Variants in TSNARE1 observed in about 807,000 individuals in gnomAD.
TSNARE1 encodes the protein t-SNARE domain-containing protein 1.
Under a neutral mutation model 62.0 loss-of-function variants are expected in TSNARE1, and 49 were observed. The observed-to-expected ratio is 0.79, with a 90% CI of 0.63 to 1.00. The LOEUF (loss-of-function observed/expected upper bound fraction) is 1.00. TSNARE1 is among the 50% of genes least tolerant of loss of function. The pLI is 0.00. For synonymous variants in TSNARE1, 328 were observed against 294.4 expected (o/e 1.11, Z -1.17); for missense variants, 755 against 700.1 (o/e 1.08, Z -0.88).
At chr8:142,321,266 C>T (rs1262637593) in intron 6 of TSNARE1, among the ~76,000 whole-genome samples, 1 of 152,168 alleles carries the variant, frequency 6.6e-6, no homozygotes, top group Non-Finnish European at 1.5e-5. Flanking sequence ...TGGTACCAGG[C>T]AGTACCTCCT....
chr8:142,325,149 G>A (rs1466865687), intron 6 of TSNARE1, among the ~76,000 whole-genome samples: 1 of 152,224 alleles, frequency 6.6e-6, no homozygotes, highest in Non-Finnish European at 1.5e-5. Flanking sequence ...GGCAAGGCCT[G>A]GACTGAGCGG....
intron 6 of TSNARE1, among the ~76,000 whole-genome samples, chr8:142,320,785 A>C (rs1403942748): frequency 6.6e-6 from 1 of 152,252 alleles, no homozygotes; most frequent in African/African-American, 2.4e-5. Context: ...TGGGAGGGTC[A>C]GGCAGGTCAC....
chr8:142,256,256 TCAC>T (rs1818542907), intron 12 of TSNARE1, among the ~76,000 whole-genome samples: 2 of 58,464 alleles, frequency 3.4e-5, no homozygotes, highest in Non-Finnish European at 7.1e-5. Flanking sequence ...ATCACCATCA[TCAC>T]CATCACCATC....
At chr8:142,284,218 T>G (rs1028317186) in intron 11 of TSNARE1, among the ~76,000 whole-genome samples, 195 bp downstream of exon 11, 10 of 152,096 alleles carry the variant, frequency 6.6e-5, no homozygotes, top group Admixed American at 6.5e-4. Flanking sequence ...CAGGGACTAG[T>G]GGCAACGAGC....
intron 6 of TSNARE1, among the ~76,000 whole-genome samples, chr8:142,324,112 A>T (rs1027710754): frequency 1.3e-5 from 2 of 152,238 alleles, no homozygotes; most frequent in Admixed American, 1.3e-4. Flanking sequence ...AATGCCCGGA[A>T]CCATAAGACC....
At chr8:142,223,562 AC>A (rs1716061090) in intron 13 of TSNARE1, among the ~76,000 whole-genome samples, 2 of 43,380 alleles carry the variant, frequency 4.6e-5, no homozygotes, top group African/African-American at 7.6e-5. Context: ...TCACTCACTC[AC>A]TCATTCACTA....
intron 9 of TSNARE1, among the ~76,000 whole-genome samples, chr8:142,311,801 T>G (rs2131560209): frequency 6.6e-6 from 1 of 152,352 alleles, no homozygotes; most frequent in East Asian, 1.9e-4. Context: ...ATATAAGTTT[T>G]CTTATACCCA....
intron 12 of TSNARE1, among the ~76,000 whole-genome samples, chr8:142,240,768 A>G (rs1262159293): frequency 6.6e-6 from 1 of 152,246 alleles, no homozygotes; most frequent in Non-Finnish European, 1.5e-5. Context: ...ATGATAATAG[A>G]CATATACAGT....
chr8:142,278,478 G>A (rs1563811303), intron 11 of TSNARE1: 2 of 985,476 alleles, frequency 2.0e-6, no homozygotes, highest in East Asian at 1.1e-4. Flanking sequence ...GAAGGGGAGG[G>A]TCCAGCGGGG....
chr8:142,263,391 C>T (rs945572454), intron 12 of TSNARE1, among the ~76,000 whole-genome samples: 1 of 152,194 alleles, frequency 6.6e-6, no homozygotes. Flanking sequence ...TCCAACCTGG[C>T]GAGGATGCCG....
intron 1 of TSNARE1, among the ~76,000 whole-genome samples, chr8:142,379,739 G>A (rs917630534): frequency 6.6e-6 from 1 of 152,132 alleles, no homozygotes. Flanking sequence ...CCAGCTCAGG[G>A]CTCCAGCTTT....
chr8:142,331,404 C>T (rs999783615), intron 5 of TSNARE1, among the ~76,000 whole-genome samples: 1 of 152,240 alleles, frequency 6.6e-6, no homozygotes, highest in Non-Finnish European at 1.5e-5. Context: ...TGGGCTCCAT[C>T]CAGATCACAC....
intron 12 of TSNARE1, among the ~76,000 whole-genome samples, chr8:142,255,839 C>CTGT (rs1818460915): frequency 3.9e-5 from 1 of 25,716 alleles, no homozygotes. Flanking sequence ...ACCACCACCA[C>CTGT]CACCATCACC....
chr8:142,248,408 G>A (rs953131010), intron 12 of TSNARE1, among the ~76,000 whole-genome samples: 14 of 152,336 alleles, frequency 9.2e-5, no homozygotes, highest in Admixed American at 9.1e-4. Flanking sequence ...GGGACAAAGA[G>A]CCCCAGCCAG....
chr8:142,214,019 C>T (rs181255666), intron 13 of TSNARE1, among the ~76,000 whole-genome samples: 4 of 152,362 alleles, frequency 2.6e-5, no homozygotes, highest in East Asian at 1.9e-4. Flanking sequence ...TCCCTGGAGA[C>T]ACCTGTCCTG....
chr8:142,258,196 A>C (rs543009053), intron 12 of TSNARE1, among the ~76,000 whole-genome samples: 18 of 152,332 alleles, frequency 1.2e-4, no homozygotes, highest in African/African-American at 4.1e-4. Context: ...GTGCACACAC[A>C]GTACACGAGT....
At chr8:142,351,571 C>T (rs1229307243) in intron 2 of TSNARE1, among the ~76,000 whole-genome samples, 7 of 152,186 alleles carry the variant, frequency 4.6e-5, no homozygotes, top group Non-Finnish European at 8.8e-5. Flanking sequence ...TGCAGGGACG[C>T]CAGGCAAACC....
intron 13 of TSNARE1, among the ~76,000 whole-genome samples, chr8:142,222,960 T>C (rs201335073): frequency 0.13 from 17,954 of 134,922 alleles, 1,643 homozygotes; most frequent in South Asian, 0.19. Flanking sequence ...ATCCACTCAC[T>C]CACTCATTCA....
intron 1 of TSNARE1, among the ~76,000 whole-genome samples, chr8:142,389,953 T>C (rs1273583105): frequency 6.6e-6 from 1 of 152,132 alleles, no homozygotes; most frequent in Non-Finnish European, 1.5e-5. Flanking sequence ...ACCCAGGCCA[T>C]GTGGTAAAAT....
Sources: gnomAD v4.1 joint callset for allele counts (sites outside exome capture counted in the v4.1 genomes callset) on GRCh38, gnomAD v4.1.1 for gene constraint, MANE v1.5 for transcripts, NCBI Gene and HGNC (gene_info 2026-07-23, HGNC 2026-07-21) for gene names.